OPCML: variants seen among roughly 807,000 people sequenced by gnomAD.
OPCML encodes opioid-binding protein/cell adhesion molecule.
In OPCML, 13 loss-of-function variants were observed where a neutral mutation model predicts 37.8. That is an observed-to-expected ratio of 0.34 (90% CI 0.22 to 0.55). OPCML has a LOEUF of 0.55. Among genes scored for constraint, OPCML ranks in the 20% least tolerant of loss-of-function variants. The probability of loss-of-function intolerance (pLI) is 0.91; values close to 1 mark genes in which losing one functional copy is unlikely to be tolerated. For synonymous variants in OPCML, 176 were observed against 168.8 expected (o/e 1.04, Z -0.33); for missense variants, 341 against 435.6 (o/e 0.78, Z 1.93).
At chr11:132,678,490 A>G (rs1398799701) in intron 2 of OPCML, among the ~76,000 whole-genome samples, 1 of 152,216 alleles carries the variant, frequency 6.6e-6, no homozygotes, top group Non-Finnish European at 1.5e-5. Context: ...TTAGGAAGCA[A>G]CTAAGAGGTT....
chr11:132,431,144 C>A (rs1335800144), intron 7 of OPCML, among the ~76,000 whole-genome samples: 2 of 152,206 alleles, frequency 1.3e-5, no homozygotes, highest in Non-Finnish European at 2.9e-5. Flanking sequence ...AGCTGATTTG[C>A]AATGGTTGGA....
chr11:133,521,072 A>G (rs79941256), intron 1 of OPCML, among the ~76,000 whole-genome samples: 2,607 of 152,276 alleles, frequency 0.017, 80 homozygotes, highest in African/African-American at 0.059. Flanking sequence ...AAATGGAGAG[A>G]GAAATGCCCA....
At chr11:132,482,354 C>T (rs1369862607) in intron 4 of OPCML, among the ~76,000 whole-genome samples, 2 of 151,760 alleles carry the variant, frequency 1.3e-5, no homozygotes, top group Non-Finnish European at 2.9e-5. Flanking sequence ...CATACACTCT[C>T]CCAAGACTAA....
chr11:132,682,163 C>T (rs780412405), intron 2 of OPCML, among the ~76,000 whole-genome samples: 17 of 152,196 alleles, frequency 1.1e-4, no homozygotes, highest in Non-Finnish European at 2.1e-4. Context: ...CCTGCACCCT[C>T]TCACCTGAGT....
intron 1 of OPCML, among the ~76,000 whole-genome samples, chr11:133,039,711 T>C (rs1021690488): frequency 6.6e-6 from 1 of 152,038 alleles, no homozygotes; most frequent in African/African-American, 2.4e-5. Context: ...GTGTGTGAAT[T>C]TCCAATCATC....
chr11:133,028,239 C>T (rs1947600670), intron 1 of OPCML, among the ~76,000 whole-genome samples: 1 of 151,670 alleles, frequency 6.6e-6, no homozygotes, highest in Non-Finnish European at 1.5e-5. Flanking sequence ...GCACACATGT[C>T]TTAAAAAAAA....
intron 1 of OPCML, among the ~76,000 whole-genome samples, chr11:133,384,879 A>T (rs986794710): frequency 3.3e-5 from 5 of 152,232 alleles, no homozygotes; most frequent in Non-Finnish European, 5.9e-5. Flanking sequence ...TAGCTGCAGG[A>T]AGGCCAGAGG....
chr11:132,976,968 G>C (rs1468807116), intron 1 of OPCML, among the ~76,000 whole-genome samples: 1 of 152,082 alleles, frequency 6.6e-6, no homozygotes. Flanking sequence ...CAATGTTAAC[G>C]CATAGCAGAA....
intron 1 of OPCML, among the ~76,000 whole-genome samples, chr11:133,474,121 A>G (rs1030530213): frequency 3.3e-5 from 5 of 152,238 alleles, no homozygotes; most frequent in African/African-American, 1.2e-4. Flanking sequence ...TAAGTAAATT[A>G]GCTTAAGTCT....
chr11:132,538,716 T>C (rs188013593), intron 3 of OPCML, among the ~76,000 whole-genome samples: 1 of 151,254 alleles, frequency 6.6e-6, no homozygotes, highest in East Asian at 1.9e-4. Flanking sequence ...TAATGCTGCA[T>C]AATGTCTGCT....
chr11:132,731,387 TTAGTC>T (rs1945070150), intron 2 of OPCML, among the ~76,000 whole-genome samples: 1 of 152,200 alleles, frequency 6.6e-6, no homozygotes, highest in African/African-American at 2.4e-5. Context: ...CAAGTCAACC[TTAGTC>T]TAAAGAGTTA....
rs200589606 is a variant in OPCML at position 133,099,262 on chromosome 11, A to C, written c.62-156252T>G. On this transcript the variant is annotated intron_variant, in intron 1 of 7. Transcript: ENST00000524381. ...CTTTGCCAACATCTGTTAGTTTTTT[A>C]TCTTTTTTTTTTTTCTTTGAGACAG... Among the ~76,000 whole-genome samples the C allele has an allele frequency of 1.3e-4, 19 of 151,354 alleles. 1 individual carries two copies. The East Asian group carries it at 3.7e-3, about 29-fold the overall frequency.
intron 1 of OPCML, among the ~76,000 whole-genome samples, chr11:133,050,861 A>T (rs1288173647): frequency 6.6e-6 from 1 of 152,118 alleles, no homozygotes; most frequent in Non-Finnish European, 1.5e-5. Context: ...AGGAGGCTTA[A>T]TTATTCACAT....
intron 2 of OPCML, among the ~76,000 whole-genome samples, chr11:132,928,259 C>T (rs1945067725): frequency 6.6e-6 from 1 of 151,878 alleles, no homozygotes; most frequent in Non-Finnish European, 1.5e-5. Context: ...TAAATGCACA[C>T]ATAGTTCAAA....
chr11:133,113,164 C>T (rs151168207), intron 1 of OPCML, among the ~76,000 whole-genome samples: 12 of 152,310 alleles, frequency 7.9e-5, no homozygotes, highest in African/African-American at 2.9e-4. Flanking sequence ...TTTTGCCTTT[C>T]CCCAGAGCTA....
At chr11:132,428,052 T>C (rs1182017851) in intron 7 of OPCML, among the ~76,000 whole-genome samples, 1 of 152,216 alleles carries the variant, frequency 6.6e-6, no homozygotes, top group African/African-American at 2.4e-5. Flanking sequence ...GACAAATATG[T>C]GCAGCTTTTG....
At chr11:132,902,932 G>A (rs1009548402) in intron 2 of OPCML, among the ~76,000 whole-genome samples, 1 of 151,880 alleles carries the variant, frequency 6.6e-6, no homozygotes, top group Non-Finnish European at 1.5e-5. Flanking sequence ...GACAACCTTT[G>A]TTTGCAGTGA....
intron 1 of OPCML, among the ~76,000 whole-genome samples, chr11:133,527,259 G>C (rs1227127432): frequency 6.6e-6 from 1 of 152,192 alleles, no homozygotes; most frequent in African/African-American, 2.4e-5. Context: ...GCAACGTTTT[G>C]AGAGACCAAA....
chr11:133,449,630 A>T (rs1179409339), intron 1 of OPCML, among the ~76,000 whole-genome samples: 2 of 148,270 alleles, frequency 1.3e-5, no homozygotes, highest in African/African-American at 5.3e-5. Flanking sequence ...CTTCGCTTGT[A>T]GCGGCATCAC....
Sources: gnomAD v4.1 joint callset for allele counts (sites outside exome capture counted in the v4.1 genomes callset) on GRCh38, gnomAD v4.1.1 for gene constraint, MANE v1.5 for transcripts, NCBI Gene and HGNC (gene_info 2026-07-23, HGNC 2026-07-21) for gene names.